COL4A5: variants seen among roughly 807,000 people sequenced by gnomAD.
The protein encoded by COL4A5 is collagen alpha-5(IV) chain.
A neutral mutation model predicts 130.2 loss-of-function variants in COL4A5; 26 were observed. The ratio of observed to expected loss-of-function variants is 0.20; its 90% CI spans 0.15 to 0.28. The LOEUF (loss-of-function observed/expected upper bound fraction) is 0.28. Among genes scored for constraint, COL4A5 ranks in the 10% least tolerant of loss-of-function variants. The probability of loss-of-function intolerance (pLI) is 1.00; values close to 1 mark genes in which losing one functional copy is unlikely to be tolerated. For synonymous variants in COL4A5, 496 were observed against 439.6 expected (o/e 1.13, Z -1.60); for missense variants, 1,131 against 1,344.3 (o/e 0.84, Z 2.48).
Position 108,573,905 on chromosome X carries a change from C to T in COL4A5, c.546+251C>T, listed in dbSNP as rs1014918218. 3.6e-5 allele frequency among the ~76,000 whole-genome samples: 4 copies of T among 111,147 alleles called. No homozygotes were observed. The East Asian group carries it at 1.1e-3, about 31-fold the overall frequency. On this transcript the variant is annotated intron_variant, in intron 9 of 52. Coordinates refer to ENST00000328300, the MANE Select transcript of COL4A5 (RefSeq NM_033380.3). ...GGCAGCAGAAATAGGGTTCTATATT[C>T]TTATTCTTGTACTGTGGAGAGCAGT...
chrX:108,465,723 C>T (rs2064699469), intron 1 of COL4A5, among the ~76,000 whole-genome samples: 1 of 111,521 alleles, frequency 9.0e-6, no homozygotes, highest in African/African-American at 3.3e-5. Context: ...ATATTTGGTG[C>T]TTTTAACTTT....
intron 36 of COL4A5, among the ~76,000 whole-genome samples, chrX:108,639,809 G>C (rs1265124483): frequency 8.9e-6 from 1 of 111,890 alleles, no homozygotes; most frequent in Non-Finnish European, 1.9e-5. Context: ...CTAATCATTA[G>C]GGAAATGCAG....
intron 1 of COL4A5, among the ~76,000 whole-genome samples, chrX:108,450,016 T>C (rs2064492442): frequency 8.9e-6 from 1 of 112,005 alleles, no homozygotes; most frequent in South Asian, 3.7e-4. Context: ...TTCTTAGTAG[T>C]TGTATTCGTC....
At chrX:108,473,960 T>G (rs1424845130) in intron 1 of COL4A5, among the ~76,000 whole-genome samples, 1 of 110,604 alleles carries the variant, frequency 9.0e-6, no homozygotes, top group Non-Finnish European at 1.9e-5. Context: ...AGCTGTACAA[T>G]ATATCTGTGT....
intron 1 of COL4A5, among the ~76,000 whole-genome samples, chrX:108,441,716 T>TA (rs1410462831): frequency 8.9e-6 from 1 of 112,109 alleles, no homozygotes; most frequent in East Asian, 2.8e-4. Context: ...TAGTTCATTT[T>TA]AAAAACATCT....
chrX:108,667,254 C>G lies in COL4A5; in HGVS notation c.3604+71C>G, dbSNP rs111430308. 6.8e-3 allele frequency: 6,558 copies of G among 966,420 alleles called. 238 individuals are homozygous for G. In the African/African-American group the frequency reaches 0.11, roughly 16 times the overall value. The allele number at this position is 966,420 out of a possible 1,213,427, so 79.6% of individuals were successfully genotyped here. On this transcript the variant is annotated intron_variant, in intron 40 of 52. Transcript: ENST00000328300. ...ATTATTTCCAAATACATCTATTTTT[C>G]CATCTCCACCTTTTACTATCATAAA...
intron 47 of COL4A5, among the ~76,000 whole-genome samples, chrX:108,682,662 A>G (rs1203184603): frequency 8.9e-6 from 1 of 111,757 alleles, no homozygotes; most frequent in Non-Finnish European, 1.9e-5. Flanking sequence ...AGCTTTTTTC[A>G]TATGTTTGTT....
At chrX:108,694,747 A>T in intron 50 of COL4A5, 60 bp from the exon 51 acceptor site, 1 of 883,384 alleles carries the variant, frequency 1.1e-6, no homozygotes, top group East Asian at 3.1e-5. Flanking sequence ...ATGAAGCAGG[A>T]TGGCTACTTC....
intron 1 of COL4A5, among the ~76,000 whole-genome samples, chrX:108,471,701 T>A (rs1311307314): frequency 1.8e-5 from 2 of 111,822 alleles, no homozygotes; most frequent in East Asian, 5.6e-4. Context: ...GAATGGGCAT[T>A]TTTATCTTGC....
At position 108,692,750 on chromosome X, in the gene COL4A5, A is replaced by G. The variant is rs2068656335; in HGVS notation, c.4531A>G (p.Thr1511Ala). Residue 1511 changes from threonine (T) to alanine (A), a missense_variant and splice_region_variant, in exon 50 of 53, where the codon ACG (threonine) becomes GCG (alanine). By Grantham distance (58) the Thr-to-Ala change is moderately conservative (BLOSUM62 0). Coordinates refer to ENST00000328300, the MANE Select transcript of COL4A5 (RefSeq NM_033380.3). Reference protein sequence around the residue: ...NKRAHGQDLGTAGSCLRRFST... With the variant: ...NKRAHGQDLGAAGSCLRRFST... ...GTTTTCTCTCCAAATCTTTCTAGGG[A>G]CGGCTGGCAGCTGCCTTCGTCGCTT... The G allele has an allele frequency of 8.3e-7, 1 of 1,210,834 alleles. No individual in the cohort carries two copies. The highest frequency in any genetic ancestry group is 1.8e-5 in the South Asian group (1 of 56,963).
chrX:108,563,882 G>A lies in COL4A5; in HGVS notation c.232G>A (p.Gly78Ser). The part of the protein sequence containing the change: ...EGPPGPRGQK[G>S]DDGIPGPPGP... ...AACCTAAAAATATTGCATTTTTCAGGGTGATGATGGAATTCCAGGGCCACC... is the reference window on the plus strand; with the variant it reads ...AACCTAAAAATATTGCATTTTTCAGAGTGATGATGGAATTCCAGGGCCACC... Residue 78 changes from glycine (G) to serine (S), a missense_variant and splice_region_variant, in exon 4 of 53, where the codon GGT (glycine) becomes AGT (serine). Gly to Ser is a moderately conservative substitution (Grantham distance 56). Coordinates refer to ENST00000328300, the MANE Select transcript of COL4A5 (RefSeq NM_033380.3). 8.3e-7 allele frequency: 1 copy of A among 1,206,194 alleles called. No individual in the cohort carries two copies. Among genetic ancestry groups the A allele is most frequent in the Non-Finnish European group, 1.1e-6 (1 of 891,867 alleles).
At chrX:108,612,715 A>G (rs1293439512) in intron 29 of COL4A5, among the ~76,000 whole-genome samples, 4 of 111,649 alleles carry the variant, frequency 3.6e-5, no homozygotes, top group Non-Finnish European at 3.8e-5. Flanking sequence ...GTTTTCTCCA[A>G]ATCAATCCAT....
chrX:108,534,626 C>A (rs769942333), intron 1 of COL4A5, among the ~76,000 whole-genome samples: 1 of 110,992 alleles, frequency 9.0e-6, no homozygotes, highest in East Asian at 2.8e-4. Context: ...GAACTGGGTT[C>A]TTAGCATATT....
chrX:108,522,106 A>G (rs1433875830), intron 1 of COL4A5, among the ~76,000 whole-genome samples: 1 of 111,054 alleles, frequency 9.0e-6, no homozygotes, highest in Admixed American at 9.6e-5. Context: ...TAATGTTTTC[A>G]AGGTTCATCC....
At chrX:108,547,094 C>T (rs183664458) in intron 2 of COL4A5, among the ~76,000 whole-genome samples, 1 of 112,241 alleles carries the variant, frequency 8.9e-6, no homozygotes, top group East Asian at 2.8e-4. Context: ...CATCTGTAGC[C>T]TTCTTCTCTC....
intron 36 of COL4A5, among the ~76,000 whole-genome samples, chrX:108,645,606 C>T (rs760590147): frequency 9.3e-6 from 1 of 107,482 alleles, no homozygotes; most frequent in African/African-American, 3.4e-5. Flanking sequence ...ATACTTTAAG[C>T]TTTAGGGTAC....
At chrX:108,580,658 G>A (rs1271859542) in intron 14 of COL4A5, 24 bp from the exon 15 acceptor site, 2 of 1,205,523 alleles carry the variant, frequency 1.7e-6, no homozygotes, top group East Asian at 3.0e-5. Flanking sequence ...ATGAACCATT[G>A]TGAAACTATT....
chrX:108,669,645 C>T (rs900710730), intron 41 of COL4A5, among the ~76,000 whole-genome samples: 8 of 111,855 alleles, frequency 7.2e-5, no homozygotes, highest in African/African-American at 2.6e-4. Context: ...GTTTTGCATG[C>T]AGTAATTCAA....
intron 1 of COL4A5, among the ~76,000 whole-genome samples, chrX:108,484,635 C>G (rs2064927115): frequency 8.9e-6 from 1 of 112,521 alleles, no homozygotes; most frequent in Non-Finnish European, 1.9e-5. Flanking sequence ...GTTCTCTTCC[C>G]TTATTTGCTC....
Sources: allele counts gnomAD v4.1 joint callset (sites outside exome capture counted in the v4.1 genomes callset), GRCh38; gene constraint gnomAD v4.1.1; transcripts MANE v1.5; gene names NCBI Gene and HGNC (gene_info 2026-07-23, HGNC 2026-07-21).